Variants in PDE2A observed in about 807,000 individuals in gnomAD.
The protein encoded by PDE2A is phosphodiesterase 2A.
Under a neutral mutation model 133.6 loss-of-function variants are expected in PDE2A, and 53 were observed. The ratio of observed to expected loss-of-function variants is 0.40; its 90% CI spans 0.32 to 0.50. The LOEUF (loss-of-function observed/expected upper bound fraction) is 0.50. Ranked by LOEUF, PDE2A falls within the 20% of genes least tolerant of loss-of-function variation. PDE2A has a pLI of 0.73. For synonymous variants in PDE2A, 491 were observed against 490.2 expected, an observed-to-expected ratio of 1.00 and a Z score of -0.02; for missense variants, 796 against 1,232.4, an observed-to-expected ratio of 0.65 and a Z score of 5.30.
Position 72,674,202 on chromosome 11 carries a change from C to T in PDE2A, c.6G>A (p.Gly2=). The T allele has an allele frequency of 6.2e-7, 1 of 1,610,084 alleles. No individual in the cohort carries two copies. The highest frequency in any genetic ancestry group is 1.1e-5 in the South Asian group (1 of 90,986). Residue 2 remains glycine, a synonymous_variant, in exon 1 of 31, where the codon GGG becomes GGA. Transcript: ENST00000334456. The stretch of plus-strand genomic sequence containing the variant: ...AGAGGATGGAGTGGCCGCATGCCTG[C>T]CCCATCACTCCTCATCGTCCGCCTC... The part of the protein sequence containing the change: M[G]QACGHSILCR...
At chr11:72,605,626 T>C (rs934915428) in intron 3 of PDE2A, among the ~76,000 whole-genome samples, 1 of 152,230 alleles carries the variant, frequency 6.6e-6, no homozygotes, top group African/African-American at 2.4e-5. Flanking sequence ...CTCTGAGCTG[T>C]ACCAGGGATG....
intron 1 of PDE2A, among the ~76,000 whole-genome samples, chr11:72,654,328 A>G (rs574404162): frequency 6.6e-6 from 1 of 152,312 alleles, no homozygotes; most frequent in Admixed American, 6.5e-5. Context: ...AGAGCCTGTC[A>G]CGGATGAGAG....
At chr11:72,611,728 C>A (rs1857220737) in intron 2 of PDE2A, among the ~76,000 whole-genome samples, 1 of 152,160 alleles carries the variant, frequency 6.6e-6, no homozygotes, top group Non-Finnish European at 1.5e-5. Context: ...TGGTCCTGCC[C>A]AGCATGCCCC....
chr11:72,633,300 G>A (rs1012320064), intron 2 of PDE2A, among the ~76,000 whole-genome samples: 10 of 152,268 alleles, frequency 6.6e-5, no homozygotes, highest in South Asian at 2.1e-4. Flanking sequence ...ATTGTCCCAC[G>A]TCCTGTGGGG....
At chr11:72,645,392 C>A (rs193093075) in intron 1 of PDE2A, among the ~76,000 whole-genome samples, 1 of 152,316 alleles carries the variant, frequency 6.6e-6, no homozygotes, top group African/African-American at 2.4e-5. Context: ...AATTCCCCAA[C>A]CAGCACCCTT....
intron 1 of PDE2A, among the ~76,000 whole-genome samples, chr11:72,654,264 G>A (rs919068840): frequency 6.6e-5 from 10 of 152,308 alleles, no homozygotes; most frequent in African/African-American, 2.4e-4. Flanking sequence ...CTAGCTGCTC[G>A]GCGTCAGGGA....
chr11:72,589,371 A>T (rs1856127370), intron 11 of PDE2A, 131 bp from the exon 12 acceptor site: 1 of 713,326 alleles, frequency 1.4e-6, no homozygotes, highest in Non-Finnish European at 2.5e-6. Context: ...CAGGGTCAGC[A>T]TTGATGAGCA....
intron 1 of PDE2A, among the ~76,000 whole-genome samples, chr11:72,670,592 T>C (rs756567626): frequency 1.2e-4 from 17 of 138,384 alleles, no homozygotes; most frequent in Non-Finnish European, 2.6e-4. Context: ...TGACCATGCC[T>C]GCTTCTTTAT....
At chr11:72,603,137 C>T (rs1007339433) in intron 4 of PDE2A, among the ~76,000 whole-genome samples, 1 of 152,250 alleles carries the variant, frequency 6.6e-6, no homozygotes, top group East Asian at 1.9e-4. Context: ...TGGGTATGTC[C>T]CCTGGGAGGT....
chr11:72,583,174 C>T (rs1283187022), intron 20 of PDE2A, among the ~76,000 whole-genome samples: 1 of 152,164 alleles, frequency 6.6e-6, no homozygotes, highest in African/African-American at 2.4e-5. Flanking sequence ...GGAATTATTC[C>T]CTGAACATGG....
chr11:72,638,083 G>A (rs1205202727), intron 2 of PDE2A, among the ~76,000 whole-genome samples: 3 of 152,272 alleles, frequency 2.0e-5, no homozygotes, highest in South Asian at 2.1e-4. Context: ...TTTACCCGCC[G>A]CAGGCAGCAC....
chr11:72,623,941 C>A (rs111417313), intron 2 of PDE2A, among the ~76,000 whole-genome samples: 1 of 152,052 alleles, frequency 6.6e-6, no homozygotes, highest in Non-Finnish European at 1.5e-5. Context: ...CCCTCCCCTG[C>A]CACGCACCAT....
rs1190034359 is a variant in PDE2A, at chr11:72,577,239, GC to G, written c.*144del. 1.6e-5 allele frequency: 10 copies of G among 615,696 alleles called. No individual in the cohort carries two copies. The African/African-American group carries it at 1.8e-4, about 11-fold the overall frequency. 38.1% of individuals were successfully genotyped at this position (615,696 alleles called of 1,614,324 possible). ...CCATTATACAGACGAGAAAGCTGAG[GC>G]CCAGGAAGGTAGTACTTGTCCAGGG... On this transcript the variant is annotated 3_prime_UTR_variant, in exon 31 of 31. Coordinates refer to ENST00000334456, the MANE Select transcript of PDE2A (RefSeq NM_002599.5).
At chr11:72,610,055 C>T (rs1012228845) in intron 2 of PDE2A, among the ~76,000 whole-genome samples, 1 of 152,022 alleles carries the variant, frequency 6.6e-6, no homozygotes, top group Non-Finnish European at 1.5e-5. Flanking sequence ...TGACACTCAT[C>T]CAGAGGAGGC....
chr11:72,596,474 T>TCACA lies in PDE2A; in HGVS notation c.489+118_489+119insTGTG, dbSNP rs1171582119. The TCACA allele has an allele frequency of 1.4e-3, 359 of 248,416 alleles. 3 individuals carry two copies. Among genetic ancestry groups the TCACA allele is most frequent in the African/African-American group, 9.1e-3 (256 of 28,072 alleles). The allele number at this position is 248,416 out of a possible 1,614,324, so 15.4% of individuals were successfully genotyped here. A position where few individuals can be genotyped will look rare whatever the true frequency, so the allele number is the denominator to read the frequency against. On this transcript the variant is annotated intron_variant, in intron 6 of 30. Transcript: ENST00000334456. ...TGGCTCCCATCTCTCTCTCTCTCTC[T>TCACA]CTCTCTCTCTCACACACACACACAC...
intron 4 of PDE2A, chr11:72,598,459 C>T: frequency 8.0e-7 from 1 of 1,256,626 alleles, no homozygotes. Context: ...CACCACACAA[C>T]CCACCTCCTC....
chr11:72,593,758 A>G (rs1380533451), intron 6 of PDE2A, among the ~76,000 whole-genome samples: 2 of 152,244 alleles, frequency 1.3e-5, no homozygotes, highest in African/African-American at 4.8e-5. Flanking sequence ...CCCAGAAGTC[A>G]GCCACACAGC....
At chr11:72,598,538 T>C in intron 4 of PDE2A, 2 of 1,289,164 alleles carry the variant, frequency 1.6e-6, no homozygotes, top group South Asian at 2.5e-5. Flanking sequence ...CACTCCTTGA[T>C]GATTAATTGT....
chr11:72,660,940 A>G (rs997119620), intron 1 of PDE2A, among the ~76,000 whole-genome samples: 2 of 152,040 alleles, frequency 1.3e-5, no homozygotes, highest in African/African-American at 4.8e-5. Flanking sequence ...TAGAAGAAAC[A>G]TAAGAGAAAT....
Sources: gnomAD v4.1 joint callset for allele counts (sites outside exome capture counted in the v4.1 genomes callset) on GRCh38, gnomAD v4.1.1 for gene constraint, MANE v1.5 for transcripts, NCBI Gene and HGNC (gene_info 2026-07-23, HGNC 2026-07-21) for gene names.